Variants in SOX6 observed in about 807,000 individuals in gnomAD.
SOX6 encodes transcription factor SOX-6.
In SOX6, 11 loss-of-function variants were observed where a neutral mutation model predicts 97.8. The observed-to-expected ratio is 0.11, with a 90% CI of 0.07 to 0.19. The LOEUF is 0.19. SOX6 is among the 10% of genes least tolerant of loss of function. SOX6 has a pLI of 1.00. For synonymous variants in SOX6, 360 were observed against 371.4 expected, an observed-to-expected ratio of 0.97 and a Z score of 0.35; for missense variants, 810 against 1,039.5, an observed-to-expected ratio of 0.78 and a Z score of 3.04.
chr11:16,343,688 G>A (rs930510300), intron 1 of SOX6, among the ~76,000 whole-genome samples: 1 of 151,778 alleles, frequency 6.6e-6, no homozygotes, highest in African/African-American at 2.4e-5. Context: ...CTTCAAATGG[G>A]GAGTGTTAAT....
intron 9 of SOX6, among the ~76,000 whole-genome samples, chr11:16,091,502 C>T (rs1383597695): frequency 2.6e-5 from 4 of 152,042 alleles, no homozygotes; most frequent in Non-Finnish European, 5.9e-5. Flanking sequence ...ATCATAAAGA[C>T]TCAGGCTGCA....
intron 9 of SOX6, among the ~76,000 whole-genome samples, chr11:16,063,379 A>T (rs1848005487): frequency 6.7e-6 from 1 of 150,198 alleles, no homozygotes; most frequent in Non-Finnish European, 1.5e-5. Flanking sequence ...TTGTGTCAGT[A>T]ATTGATGTTA....
At chr11:16,142,024 G>A (rs976982188) in intron 6 of SOX6, among the ~76,000 whole-genome samples, 2 of 152,176 alleles carry the variant, frequency 1.3e-5, no homozygotes, top group African/African-American at 2.4e-5. Context: ...CCAGCATGGA[G>A]TTTGAGATCT....
chr11:16,551,340 C>A (rs1363419916), intron 4 of SOX6, among the ~76,000 whole-genome samples: 5 of 151,994 alleles, frequency 3.3e-5, no homozygotes, highest in Admixed American at 3.3e-4. Context: ...CAGAGTGAGA[C>A]CCTGTCTCAT....
At chr11:16,530,388 C>A (rs1392754284) in intron 4 of SOX6, among the ~76,000 whole-genome samples, 1 of 151,892 alleles carries the variant, frequency 6.6e-6, no homozygotes, top group Non-Finnish European at 1.5e-5. Context: ...GCAATTTTTT[C>A]TTTACCCTTC....
chr11:16,135,389 G>T (rs898450348), intron 6 of SOX6, among the ~76,000 whole-genome samples: 1 of 152,026 alleles, frequency 6.6e-6, no homozygotes, highest in Non-Finnish European at 1.5e-5. Flanking sequence ...ACAAATCTAG[G>T]CAAAATAAAT....
chr11:16,147,572 G>A (rs1850344280), intron 6 of SOX6, among the ~76,000 whole-genome samples: 1 of 152,008 alleles, frequency 6.6e-6, no homozygotes, highest in Non-Finnish European at 1.5e-5. Context: ...AAAGGATGGT[G>A]GAGTTTGAAA....
In SOX6 at chr11:16,641,164, T is replaced by A. The variant is rs754779022; in HGVS notation, n.430-28904A>T. Among the ~76,000 whole-genome samples, 4 of 152,250 alleles carry A rather than the reference T, an allele frequency of 2.6e-5. No individual in the cohort carries two copies. The South Asian group carries it at 6.2e-4, about 24-fold the overall frequency. ...CTTTATTTCTGCCTTCATTTCGTTA[T>A]GTACCCAGTAGTCATTCAGGAGCAG... On this transcript the variant is annotated intron_variant and non_coding_transcript_variant, in intron 3 of 5. Transcript: ENST00000524520.
chr11:16,446,376 T>C (rs1279007700), intron 1 of SOX6, among the ~76,000 whole-genome samples: 1 of 151,876 alleles, frequency 6.6e-6, no homozygotes, highest in Non-Finnish European at 1.5e-5. Flanking sequence ...GAAAAAGAGA[T>C]CATAAAAGCC....
intron 1 of SOX6, among the ~76,000 whole-genome samples, chr11:16,405,576 CAA>C (rs2133049004): frequency 6.6e-6 from 1 of 152,044 alleles, no homozygotes; most frequent in East Asian, 1.9e-4. Context: ...AATTCTATTA[CAA>C]AAGAGAGTAA....
chr11:15,975,610 T>C (rs1410119163), intron 15 of SOX6, among the ~76,000 whole-genome samples: 1 of 152,234 alleles, frequency 6.6e-6, no homozygotes, highest in Non-Finnish European at 1.5e-5. Context: ...GAACTATATT[T>C]AGGTGTTTTT....
intron 2 of SOX6, among the ~76,000 whole-genome samples, chr11:16,339,632 T>C (rs1402470332): frequency 2.6e-5 from 4 of 152,036 alleles, no homozygotes; most frequent in Non-Finnish European, 5.9e-5. Flanking sequence ...TATATATTTA[T>C]TTAATTTCTA....
intron 3 of SOX6, among the ~76,000 whole-genome samples, chr11:16,661,439 T>A (rs1030551575): frequency 6.6e-6 from 1 of 152,248 alleles, no homozygotes; most frequent in African/African-American, 2.4e-5. Context: ...AAAGTGATTA[T>A]TGATGTATTT....
chr11:15,974,794 C>T (rs1255677034), intron 15 of SOX6, among the ~76,000 whole-genome samples: 8 of 152,134 alleles, frequency 5.3e-5, no homozygotes, highest in African/African-American at 1.7e-4. Flanking sequence ...CTTTTAATCA[C>T]CACAAGGCAC....
intron 3 of SOX6, among the ~76,000 whole-genome samples, chr11:16,679,450 C>T (rs985211747): frequency 6.6e-6 from 1 of 152,168 alleles, no homozygotes; most frequent in Non-Finnish European, 1.5e-5. Flanking sequence ...CACACCAAAA[C>T]CCCACTGTAG....
intron 15 of SOX6, among the ~76,000 whole-genome samples, chr11:15,979,003 T>A (rs1853583926): frequency 7.3e-6 from 1 of 137,330 alleles, no homozygotes; most frequent in Non-Finnish European, 1.6e-5. Context: ...TATACATGCT[T>A]ATTTTATATA....
intron 9 of SOX6, among the ~76,000 whole-genome samples, chr11:16,062,901 T>C (rs559473529): frequency 1.3e-5 from 2 of 151,746 alleles, no homozygotes; most frequent in South Asian, 2.1e-4. Flanking sequence ...CTGACTTCCT[T>C]ATTCTGCCAA....
intron 6 of SOX6, among the ~76,000 whole-genome samples, chr11:16,175,238 A>T (rs1038644502): frequency 2.6e-5 from 4 of 151,858 alleles, no homozygotes; most frequent in Non-Finnish European, 4.4e-5. Flanking sequence ...TCTATTAGAA[A>T]CTCTGAAATT....
intron 3 of SOX6, among the ~76,000 whole-genome samples, chr11:16,695,145 A>T (rs1434491985): frequency 6.6e-6 from 1 of 152,196 alleles, no homozygotes. Flanking sequence ...TATGTAATTC[A>T]CCAAAGGAAA....
Sources: gnomAD v4.1 joint callset for allele counts (sites outside exome capture counted in the v4.1 genomes callset) on GRCh38, gnomAD v4.1.1 for gene constraint, MANE v1.5 for transcripts, NCBI Gene and HGNC (gene_info 2026-07-23, HGNC 2026-07-21) for gene names.